Variants in DEK observed in about 807,000 individuals in gnomAD.
The protein encoded by DEK is protein DEK.
Under a neutral mutation model 46.8 loss-of-function variants are expected in DEK, and 28 were observed. That is an observed-to-expected ratio of 0.60 (90% confidence interval 0.44 to 0.82). The LOEUF (loss-of-function observed/expected upper bound fraction) is 0.82. Among genes scored for constraint, DEK ranks in the 40% least tolerant of loss-of-function variants. The probability of loss-of-function intolerance (pLI) is 0.00; values close to 1 mark genes in which losing one functional copy is unlikely to be tolerated. For synonymous variants in DEK, 160 were observed against 144.5 expected (o/e 1.11, Z -0.77); for missense variants, 416 against 430.6 (o/e 0.97, Z 0.30).
chr6:18,248,364 G>A (rs1024417868), intron 7 of DEK, among the ~76,000 whole-genome samples: 3 of 152,260 alleles, frequency 2.0e-5, no homozygotes, highest in African/African-American at 7.2e-5. Context: ...TTAGGAATCT[G>A]AATGGCACAC....
chr6:18,249,902 G>A, intron 6 of DEK, 63 bp from the exon 7 acceptor site: 1 of 1,490,806 alleles, frequency 6.7e-7, no homozygotes, highest in Non-Finnish European at 8.9e-7. Context: ...TTCTCTTCTT[G>A]AAAACTTATC....
At chr6:18,226,302 G>C in intron 9 of DEK, 60 bp from the exon 10 acceptor site, 3 of 1,253,394 alleles carry the variant, frequency 2.4e-6, no homozygotes, top group Admixed American at 4.0e-5. Flanking sequence ...CAGTAATATT[G>C]TCTTTGAATA....
Position 18,225,682 on chromosome 6 carries a change from A to T in DEK, c.*37T>A. 1 of 1,607,902 alleles carries T rather than the reference A, an allele frequency of 6.2e-7. No homozygotes were observed. The highest frequency in any genetic ancestry group is 8.5e-7 in the Non-Finnish European group (1 of 1,176,200). ...TATAATGGTATAAATCAGATCTTCA[A>T]ATCTATGGGAACGAGTCATCTTCTC... On this transcript the variant is annotated 3_prime_UTR_variant, in exon 11 of 11. Coordinates refer to ENST00000652689, the MANE Select transcript of DEK (RefSeq NM_003472.4).
At chr6:18,239,999 A>C (rs1174291054) in intron 7 of DEK, among the ~76,000 whole-genome samples, 1 of 152,198 alleles carries the variant, frequency 6.6e-6, no homozygotes, top group Non-Finnish European at 1.5e-5. Context: ...AAGGTTGAGC[A>C]AAAGAAACAA....
intron 9 of DEK, among the ~76,000 whole-genome samples, chr6:18,229,122 C>A (rs929445841): frequency 2.0e-5 from 3 of 152,216 alleles, no homozygotes; most frequent in African/African-American, 4.8e-5. Flanking sequence ...CCCAGGCAAA[C>A]AGGGTCTGCA....
At chr6:18,241,464 A>C (rs1188127313) in intron 7 of DEK, among the ~76,000 whole-genome samples, 1 of 152,168 alleles carries the variant, frequency 6.6e-6, no homozygotes, top group Non-Finnish European at 1.5e-5. Context: ...CTTTCACAAT[A>C]CCATCAATTT....
At chr6:18,255,996 T>G (rs1582292873) in intron 5 of DEK, 145 bp from the exon 6 acceptor site, 1 of 932,644 alleles carries the variant, frequency 1.1e-6, no homozygotes, top group East Asian at 3.1e-5. Context: ...CTTTTTTCTT[T>G]TTTTTTTTTT....
intron 6 of DEK, 84 bp downstream of exon 6, chr6:18,255,647 C>A: frequency 6.8e-7 from 1 of 1,460,090 alleles, no homozygotes; most frequent in Non-Finnish European, 9.1e-7. Flanking sequence ...ATACTGACAG[C>A]AATGCTGTTA....
In DEK at chr6:18,224,751, T is replaced by C; in HGVS notation, c.*968A>G. 4.7e-6 allele frequency: 1 copy of C among 215,028 alleles called. No individual in the cohort carries two copies. Among genetic ancestry groups the C allele is most frequent in the Non-Finnish European group, 9.4e-6 (1 of 106,468 alleles). The allele number at this position is 215,028 out of a possible 1,614,324, so 13.3% of individuals were successfully genotyped here. A position where few individuals can be genotyped will look rare whatever the true frequency, so the allele number is the denominator to read the frequency against. On this transcript the variant is annotated 3_prime_UTR_variant, in exon 11 of 11. Transcript: ENST00000652689. ...GTTTCCAGTAAATATCAGCATTTTA[T>C]ATGGGCAAAAGCAGTTAATAAAAAT...
At chr6:18,228,462 G>A (rs1442189309) in intron 9 of DEK, among the ~76,000 whole-genome samples, 2 of 152,024 alleles carry the variant, frequency 1.3e-5, no homozygotes, top group Non-Finnish European at 2.9e-5. Context: ...CAGAAGACGG[G>A]TGATTTCTGC....
chr6:18,237,649 C>A (rs1027529936), intron 7 of DEK, 133 bp from the exon 8 acceptor site: 1 of 1,239,104 alleles, frequency 8.1e-7, no homozygotes, highest in Non-Finnish European at 1.1e-6. Flanking sequence ...ATTAAAAATT[C>A]TTTTTGAGAG....
chr6:18,259,339 G>A (rs1012672139), intron 2 of DEK, among the ~76,000 whole-genome samples: 1 of 131,890 alleles, frequency 7.6e-6, no homozygotes, highest in Non-Finnish European at 1.5e-5. Flanking sequence ...AGCTTGCAGT[G>A]AGCCGAGATC....
At chr6:18,264,119 T>A (rs1792001748) in intron 1 of DEK, 123 bp from the exon 2 acceptor site, 1 of 855,912 alleles carries the variant, frequency 1.2e-6, no homozygotes, top group Non-Finnish European at 1.7e-6. Context: ...CCTCCTCCCA[T>A]AGCCGGGACC....
chr6:18,240,900 G>C (rs1423006937), intron 7 of DEK, among the ~76,000 whole-genome samples: 1 of 152,076 alleles, frequency 6.6e-6, no homozygotes, highest in African/African-American at 2.4e-5. Flanking sequence ...ATGATATATC[G>C]CACTTACTTC....
chr6:18,261,001 AAAG>A (rs1405489717), intron 2 of DEK, among the ~76,000 whole-genome samples: 8 of 150,510 alleles, frequency 5.3e-5, no homozygotes, highest in Non-Finnish European at 1.2e-4. Flanking sequence ...AAAAAAAAAA[AAAG>A]AAAGAAAACC....
At chr6:18,263,360 A>G (rs1026701946) in intron 2 of DEK, among the ~76,000 whole-genome samples, 2 of 152,224 alleles carry the variant, frequency 1.3e-5, no homozygotes, top group African/African-American at 2.4e-5. Flanking sequence ...ATGTAAAAAT[A>G]TTCGAAAGTA....
At chr6:18,263,079 C>A (rs961097994) in intron 2 of DEK, among the ~76,000 whole-genome samples, 1 of 152,148 alleles carries the variant, frequency 6.6e-6, no homozygotes, top group Non-Finnish European at 1.5e-5. Flanking sequence ...GGAAACATGT[C>A]AAGAAGCGGG....
At chr6:18,262,442 A>G (rs1045376060) in intron 2 of DEK, among the ~76,000 whole-genome samples, 14 of 152,240 alleles carry the variant, frequency 9.2e-5, no homozygotes, top group Non-Finnish European at 2.1e-4. Context: ...AGTAAAAAGA[A>G]TAATAAATCA....
At chr6:18,226,132 CTT>C (rs762829053) in intron 10 of DEK, 40 bp downstream of exon 10, 9 of 1,229,806 alleles carry the variant, frequency 7.3e-6, no homozygotes, top group Admixed American at 7.6e-5. Flanking sequence ...TTACTTTTGT[CTT>C]ATATTTCTAA....
Sources: gnomAD v4.1 joint callset for allele counts (sites outside exome capture counted in the v4.1 genomes callset) on GRCh38, gnomAD v4.1.1 for gene constraint, MANE v1.5 for transcripts, NCBI Gene and HGNC (gene_info 2026-07-23, HGNC 2026-07-21) for gene names.